Variants in BRINP3 observed in about 807,000 individuals in gnomAD.
The protein encoded by BRINP3 is BMP/retinoic acid inducible neural specific 3.
BRINP3 carries 19 observed loss-of-function variants against 71.0 expected under a neutral mutation model. The observed-to-expected ratio is 0.27, with a 90% CI of 0.19 to 0.39. The LOEUF is 0.39. BRINP3 is among the 10% of genes least tolerant of loss of function. The probability of loss-of-function intolerance (pLI) is 1.00; values close to 1 mark genes in which losing one functional copy is unlikely to be tolerated. For synonymous variants in BRINP3, 380 were observed against 337.7 expected (o/e 1.13, Z -1.37); for missense variants, 959 against 940.8 (o/e 1.02, Z -0.25).
At chr1:190,475,831 T>TTTTTTC (rs1677461902) in intron 1 of BRINP3, 1 of 149,452 alleles carries the variant, frequency 6.7e-6, no homozygotes, top group Non-Finnish European at 1.5e-5. Flanking sequence ...TGAAAGTTTT[T>TTTTTTC]TTTTTCTTTT....
chr1:190,157,887 C>T (rs1483647582), intron 7 of BRINP3, among the ~76,000 whole-genome samples: 1 of 151,926 alleles, frequency 6.6e-6, no homozygotes, highest in Non-Finnish European at 1.5e-5. Flanking sequence ...CAATGGTGGA[C>T]TGGATAAAAA....
chr1:190,257,131 C>A (rs189703392), intron 4 of BRINP3, among the ~76,000 whole-genome samples: 110 of 152,266 alleles, frequency 7.2e-4, no homozygotes, highest in African/African-American at 2.5e-3. Context: ...ACCAATCAAA[C>A]GTAGATTTAG....
chr1:190,432,329 T>C (rs1332905925), intron 2 of BRINP3, among the ~76,000 whole-genome samples: 1 of 152,192 alleles, frequency 6.6e-6, no homozygotes, highest in Non-Finnish European at 1.5e-5. Context: ...ATTTCTTCTA[T>C]TTCTAAAATA....
intron 2 of BRINP3, among the ~76,000 whole-genome samples, chr1:190,383,860 T>C (rs1670708140): frequency 6.6e-6 from 1 of 152,024 alleles, no homozygotes; most frequent in Non-Finnish European, 1.5e-5. Context: ...AAATAATAAA[T>C]GTTATTGATT....
intron 1 of BRINP3, among the ~76,000 whole-genome samples, chr1:190,461,382 C>A (rs1676387768): frequency 6.6e-6 from 1 of 152,116 alleles, no homozygotes; most frequent in Admixed American, 6.6e-5. Flanking sequence ...ACTAGATTAT[C>A]ATTTCATTCA....
At position 190,249,892 on chromosome 1, in the gene BRINP3, G is replaced by C. The variant is rs182040036; in HGVS notation, c.618+14973C>G. On this transcript the variant is annotated intron_variant, in intron 4 of 7. Transcript: ENST00000367462. ...TTTAAAAGGAAAAAATCATTTTTAA[G>C]ATGACAAAATTTCCATTTATGAGTC... Among the ~76,000 whole-genome samples the C allele has an allele frequency of 4.0e-3, 601 of 151,850 alleles. 1 individual carries two copies. Among genetic ancestry groups the C allele is most frequent in the Middle Eastern group, 0.01 (3 of 294 alleles).
intron 2 of BRINP3, among the ~76,000 whole-genome samples, chr1:190,400,758 C>T (rs1254020531): frequency 6.6e-6 from 1 of 152,118 alleles, no homozygotes; most frequent in Non-Finnish European, 1.5e-5. Flanking sequence ...CTGATCTTAC[C>T]AGTTTCATAA....
At chr1:190,264,478 G>C (rs973788626) in intron 4 of BRINP3, among the ~76,000 whole-genome samples, 1 of 152,058 alleles carries the variant, frequency 6.6e-6, no homozygotes, top group Non-Finnish European at 1.5e-5. Flanking sequence ...GCCTGATAAA[G>C]CCTCTCTTCT....
At chr1:190,438,732 A>G (rs983290161) in intron 2 of BRINP3, among the ~76,000 whole-genome samples, 1 of 151,890 alleles carries the variant, frequency 6.6e-6, no homozygotes, top group African/African-American at 2.4e-5. Context: ...GCAAAGGTGA[A>G]CAGAGAGTTA....
At chr1:190,212,139 C>T (rs1461596293) in intron 6 of BRINP3, among the ~76,000 whole-genome samples, 1 of 152,038 alleles carries the variant, frequency 6.6e-6, no homozygotes, top group African/African-American at 2.4e-5. Context: ...ACTACCAATT[C>T]CTTTAAAAGA....
chr1:190,477,131 T>C (rs978303025), intron 1 of BRINP3, among the ~76,000 whole-genome samples: 12 of 152,200 alleles, frequency 7.9e-5, no homozygotes, highest in African/African-American at 2.9e-4. Context: ...GGCACAGGAA[T>C]GTGTGCCAAG....
At chr1:190,438,500 T>C in intron 2 of BRINP3, among the ~76,000 whole-genome samples, 1 of 151,930 alleles carries the variant, frequency 6.6e-6, no homozygotes, top group East Asian at 1.9e-4. Flanking sequence ...TTGGGGAAAC[T>C]TATACTGTAG....
intron 2 of BRINP3, among the ~76,000 whole-genome samples, chr1:190,323,784 A>G (rs763444275): frequency 2.6e-5 from 4 of 151,914 alleles, no homozygotes; most frequent in Non-Finnish European, 5.9e-5. Flanking sequence ...CAGTTACACC[A>G]AAGATATTGT....
chr1:190,369,431 G>T (rs1326088805), intron 2 of BRINP3, among the ~76,000 whole-genome samples: 1 of 151,826 alleles, frequency 6.6e-6, no homozygotes, highest in African/African-American at 2.4e-5. Flanking sequence ...AGGTAATCAG[G>T]TTGTACAATT....
chr1:190,292,710 C>T (rs567793935), intron 2 of BRINP3, among the ~76,000 whole-genome samples: 12 of 152,054 alleles, frequency 7.9e-5, no homozygotes, highest in African/African-American at 2.6e-4. Context: ...AATTTTGGTA[C>T]TTCTTTAATC....
At chr1:190,425,681 A>C (rs1673657839) in intron 2 of BRINP3, among the ~76,000 whole-genome samples, 1 of 151,860 alleles carries the variant, frequency 6.6e-6, no homozygotes, top group Non-Finnish European at 1.5e-5. Context: ...TTAAAGTAAA[A>C]TGAAAAGAGG....
intron 1 of BRINP3, 169 bp downstream of exon 1, chr1:190,477,279 G>A (rs541033966): frequency 1.3e-5 from 2 of 152,272 alleles, no homozygotes; most frequent in African/African-American, 4.8e-5. Flanking sequence ...CATGGGTTAT[G>A]TCTTAGCAGT....
At chr1:190,427,828 TTA>T (rs966746737) in intron 2 of BRINP3, among the ~76,000 whole-genome samples, 16 of 151,988 alleles carry the variant, frequency 1.1e-4, no homozygotes, top group African/African-American at 3.6e-4. Context: ...ACCAATTATT[TTA>T]TCAGCCAGGT....
At chr1:190,129,924 A>G (rs1654395444) in intron 7 of BRINP3, among the ~76,000 whole-genome samples, 1 of 152,032 alleles carries the variant, frequency 6.6e-6, no homozygotes, top group African/African-American at 2.4e-5. Flanking sequence ...TAACATTCCT[A>G]TAAGATTCAA....
Sources: gnomAD v4.1 joint callset for allele counts (sites outside exome capture counted in the v4.1 genomes callset) on GRCh38, gnomAD v4.1.1 for gene constraint, MANE v1.5 for transcripts, NCBI Gene and HGNC (gene_info 2026-07-23, HGNC 2026-07-21) for gene names.